ZRANB3: variants seen among roughly 807,000 people sequenced by gnomAD.
ZRANB3 encodes the protein zinc finger RANBP2-type containing 3, also known as DNA annealing helicase and endonuclease ZRANB3.
ZRANB3 carries 125 observed loss-of-function variants against 133.8 expected under a neutral mutation model. The ratio of observed to expected loss-of-function variants is 0.93; its 90% confidence interval spans 0.81 to 1.08. The LOEUF (loss-of-function observed/expected upper bound fraction) is 1.08, where lower values mean the gene tolerates loss of function less well. ZRANB3 is among the 50% of genes least tolerant of loss of function. The pLI, the probability that ZRANB3 is intolerant of heterozygous loss-of-function variation, is 0.00. For missense variants in ZRANB3, 1,229 were observed against 1,275.5 expected (o/e 0.96, Z 0.56); for synonymous variants, 387 against 432.7 (o/e 0.89, Z 1.31).
intron 1 of ZRANB3, among the ~76,000 whole-genome samples, chr2:135,525,657 G>C (rs1694123635): frequency 6.6e-6 from 1 of 152,100 alleles, no homozygotes; most frequent in Non-Finnish European, 1.5e-5. Flanking sequence ...AGACCTGCCT[G>C]GCCAACATGG....
chr2:135,438,514 A>T (rs2104990047), intron 2 of ZRANB3, among the ~76,000 whole-genome samples: 1 of 152,006 alleles, frequency 6.6e-6, no homozygotes, highest in East Asian at 1.9e-4. Context: ...TCAAAAAAAA[A>T]AAAAAAAAAA....
At chr2:135,468,576 T>G (rs1352320696) in intron 2 of ZRANB3, among the ~76,000 whole-genome samples, 1 of 152,230 alleles carries the variant, frequency 6.6e-6, no homozygotes, top group African/African-American at 2.4e-5. Context: ...TAAGGGCCTC[T>G]CTCTGTGGCC....
At chr2:135,415,443 C>T (rs186930579) in intron 2 of ZRANB3, among the ~76,000 whole-genome samples, 15 of 152,022 alleles carry the variant, frequency 9.9e-5, no homozygotes, top group Admixed American at 4.6e-4. Flanking sequence ...AATAACAAGA[C>T]CTGAAATTGT....
intron 8 of ZRANB3, among the ~76,000 whole-genome samples, chr2:135,298,529 C>T (rs985226490): frequency 2.0e-5 from 3 of 152,210 alleles, no homozygotes; most frequent in South Asian, 2.1e-4. Flanking sequence ...ATGTGGTGCT[C>T]GCCCCCTTCC....
At chr2:135,280,033 A>G (rs1347061132) in intron 8 of ZRANB3, among the ~76,000 whole-genome samples, 1 of 152,218 alleles carries the variant, frequency 6.6e-6, no homozygotes, top group Admixed American at 6.5e-5. Context: ...GCATCATCAG[A>G]TTTTAAATTA....
intron 4 of ZRANB3, among the ~76,000 whole-genome samples, chr2:135,350,936 C>T (rs1685175797): frequency 6.6e-6 from 1 of 152,092 alleles, no homozygotes; most frequent in Admixed American, 6.5e-5. Flanking sequence ...ATAAATTATT[C>T]ATTTACATAT....
rs148869163 is a variant in ZRANB3 at position 135,359,504 on chromosome 2, G to T, written c.181-5876C>A. On this transcript the variant is annotated intron_variant, in intron 3 of 20. Coordinates refer to ENST00000264159, the MANE Select transcript of ZRANB3 (RefSeq NM_032143.4). Reference sequence around the variant, plus strand: ...AAGCTGAGGTGGGAGGACTGCTTGAGTCCAGAAGGTTGAAGCTGTAGTGTG... The same window carrying T: ...AAGCTGAGGTGGGAGGACTGCTTGATTCCAGAAGGTTGAAGCTGTAGTGTG... Among the ~76,000 whole-genome samples, 208 of 150,958 alleles carry T rather than the reference G, an allele frequency of 1.4e-3. 1 individual carries two copies. The highest frequency in any genetic ancestry group is 0.011 in the South Asian group (54 of 4,786).
At chr2:135,414,557 T>G (rs1688463776) in intron 2 of ZRANB3, among the ~76,000 whole-genome samples, 1 of 151,950 alleles carries the variant, frequency 6.6e-6, no homozygotes, top group African/African-American at 2.4e-5. Context: ...AGACAGAAAG[T>G]TAACAAGGAT....
At chr2:135,298,120 G>A (rs1682237065) in intron 8 of ZRANB3, among the ~76,000 whole-genome samples, 1 of 152,044 alleles carries the variant, frequency 6.6e-6, no homozygotes, top group Non-Finnish European at 1.5e-5. Context: ...CCTAGCTACT[G>A]GGGAGGCTGA....
At chr2:135,404,115 G>A (rs1329054517) in intron 2 of ZRANB3, among the ~76,000 whole-genome samples, 2 of 152,286 alleles carry the variant, frequency 1.3e-5, no homozygotes, top group South Asian at 2.1e-4. Flanking sequence ...CGACTTTGAC[G>A]AGGTGAGAGA....
chr2:135,265,242 T>C (rs1235238601), intron 12 of ZRANB3, among the ~76,000 whole-genome samples: 2 of 152,232 alleles, frequency 1.3e-5, no homozygotes, highest in Non-Finnish European at 2.9e-5. Flanking sequence ...TTGCACATTT[T>C]AAGGCACATT....
intron 2 of ZRANB3, among the ~76,000 whole-genome samples, chr2:135,445,306 T>G (rs1397149789): frequency 6.6e-6 from 1 of 152,010 alleles, no homozygotes; most frequent in Non-Finnish European, 1.5e-5. Flanking sequence ...TAGCTGGTCA[T>G]GTTGGCAAAC....
At chr2:135,297,666 G>T (rs887718485) in intron 8 of ZRANB3, among the ~76,000 whole-genome samples, 8 of 152,336 alleles carry the variant, frequency 5.3e-5, no homozygotes, top group African/African-American at 1.9e-4. Context: ...CGTCTGCATC[G>T]CTCACGCTGG....
chr2:135,454,531 A>C (rs1262971992), intron 2 of ZRANB3, among the ~76,000 whole-genome samples: 5 of 152,108 alleles, frequency 3.3e-5, no homozygotes, highest in African/African-American at 7.2e-5. Flanking sequence ...TTAGTCTACT[A>C]TACACCCAAA....
intron 3 of ZRANB3, among the ~76,000 whole-genome samples, chr2:135,382,129 A>C (rs1318800463): frequency 2.6e-5 from 4 of 152,184 alleles, no homozygotes; most frequent in Non-Finnish European, 5.9e-5. Context: ...TAGAATAACC[A>C]ATGCAGAGAA....
chr2:135,455,588 T>TC (rs1294068225), intron 2 of ZRANB3, among the ~76,000 whole-genome samples: 33 of 149,990 alleles, frequency 2.2e-4, no homozygotes, highest in African/African-American at 7.6e-4. Flanking sequence ...TTGATTTTTT[T>TC]CTTTTTTTTT....
chr2:135,217,879 G>A (rs764072920), intron 16 of ZRANB3, among the ~76,000 whole-genome samples: 2 of 151,986 alleles, frequency 1.3e-5, no homozygotes, highest in Non-Finnish European at 2.9e-5. Context: ...GCATGATCAC[G>A]GCTTACTGCA....
In ZRANB3 at chr2:135,315,507, C is replaced by T. The variant is rs1332771313; in HGVS notation, c.701G>A (p.Trp234Ter). 6.5e-7 allele frequency: 1 copy of T among 1,545,452 alleles called. No individual in the cohort carries two copies. The highest frequency in any genetic ancestry group is 2.2e-5 in the Admixed American group (1 of 45,418). The stretch of plus-strand genomic sequence containing the variant: ...AAGATTTGATGCCCCTCTACAATCC[C>T]ACTGAGGTCTTTTACCAAAATATCT... ...HIRYFGKRPQWDCRGASNLNE... is the reference protein window; with the variant it reads ...HIRYFGKRPQ The change falls in exon 7 of 21, where the codon TGG (tryptophan) becomes TAG (stop). Residue 234 changes from tryptophan to a stop codon, truncating the protein, a stop_gained. Transcript: ENST00000264159. LOFTEE classifies it high-confidence loss of function.
At chr2:135,236,467 A>G (rs924914692) in intron 12 of ZRANB3, among the ~76,000 whole-genome samples, 3 of 152,046 alleles carry the variant, frequency 2.0e-5, no homozygotes, top group Admixed American at 1.3e-4. Context: ...CCAAAAAAGA[A>G]CCCACATTGC....
Sources: allele counts gnomAD v4.1 joint callset (sites outside exome capture counted in the v4.1 genomes callset), GRCh38; gene constraint gnomAD v4.1.1; transcripts MANE v1.5; gene names NCBI Gene and HGNC (gene_info 2026-07-23, HGNC 2026-07-21).